CHN2: variants seen among roughly 807,000 people sequenced by gnomAD.
CHN2 encodes the protein chimerin 2.
In CHN2, 35 loss-of-function variants were observed where a neutral mutation model predicts 56.3. The ratio of observed to expected loss-of-function variants is 0.62; its 90% CI spans 0.47 to 0.82. CHN2 has a LOEUF of 0.82. Among genes scored for constraint, CHN2 ranks in the 40% least tolerant of loss-of-function variants. The pLI, the probability that CHN2 is intolerant of heterozygous loss-of-function variation, is 0.00. For missense variants in CHN2, 491 were observed against 580.5 expected, an observed-to-expected ratio of 0.85 and a Z score of 1.58; for synonymous variants, 210 against 212.8, an observed-to-expected ratio of 0.99 and a Z score of 0.12.
At chr7:29,335,104 C>A (rs1054690031) in intron 1 of CHN2, among the ~76,000 whole-genome samples, 4 of 152,114 alleles carry the variant, frequency 2.6e-5, no homozygotes, top group African/African-American at 4.8e-5. Flanking sequence ...GTAAACATTT[C>A]AATAGTGGTC....
At chr7:29,494,455 A>G (rs1789018895) in intron 7 of CHN2, among the ~76,000 whole-genome samples, 1 of 151,900 alleles carries the variant, frequency 6.6e-6, no homozygotes, top group Admixed American at 6.6e-5. Flanking sequence ...TTACTGAGGA[A>G]CTCTTTTAGT....
intron 1 of CHN2, among the ~76,000 whole-genome samples, chr7:29,218,914 TGCATGTTGTGC>T (rs1785555698): frequency 1.3e-5 from 2 of 151,674 alleles, no homozygotes; most frequent in African/African-American, 4.8e-5. Context: ...GTAACAAACC[TGCATGTTGTGC>T]ACATGTACCC....
intron 1 of CHN2, among the ~76,000 whole-genome samples, chr7:29,347,018 G>C (rs1797498404): frequency 6.6e-6 from 1 of 152,056 alleles, no homozygotes; most frequent in African/African-American, 2.4e-5. Context: ...GTTTCCACAG[G>C]TTCACTTCCA....
At position 29,339,853 on chromosome 7, in the gene CHN2, CAAA is replaced by C. The variant is rs558957798; in HGVS notation, c.50-14762_50-14760del. Among the ~76,000 whole-genome samples, 3 of 139,552 alleles carry C rather than the reference CAAA, an allele frequency of 2.1e-5. No homozygotes were observed. The East Asian group carries it at 6.2e-4, about 29-fold the overall frequency. 91.6% of individuals were successfully genotyped at this position (139,552 alleles called of 152,430 possible). On this transcript the variant is annotated intron_variant, in intron 1 of 12. Transcript: ENST00000222792. ...GGGTGACAAGAATGAAACTCCGTCT[CAAA>C]AAAAAAAAATAATAACAATACTGTA...
At chr7:29,324,651 C>T (rs1795663600) in intron 1 of CHN2, among the ~76,000 whole-genome samples, 1 of 150,770 alleles carries the variant, frequency 6.6e-6, no homozygotes, top group Non-Finnish European at 1.5e-5. Context: ...ATCTATCTCT[C>T]AACTGAAAAT....
intron 1 of CHN2, among the ~76,000 whole-genome samples, chr7:29,314,710 A>G (rs945148466): frequency 3.3e-5 from 5 of 152,194 alleles, no homozygotes; most frequent in South Asian, 2.1e-4. Flanking sequence ...ACCATTTAAG[A>G]TGAACTGAGG....
At chr7:29,146,771 T>A in intron 1 of CHN2, 1 of 1,549,198 alleles carries the variant, frequency 6.5e-7, no homozygotes, top group Non-Finnish European at 8.7e-7. Flanking sequence ...TGTTTTATTT[T>A]GATTTTGTCT....
intron 3 of CHN2, among the ~76,000 whole-genome samples, chr7:29,385,655 A>G (rs1800860806): frequency 6.6e-6 from 1 of 152,190 alleles, no homozygotes; most frequent in Non-Finnish European, 1.5e-5. Flanking sequence ...GCAGAGAACA[A>G]TGTGACGAGA....
intron 1 of CHN2, among the ~76,000 whole-genome samples, chr7:29,259,893 G>T (rs1263652725): frequency 1.3e-5 from 2 of 152,196 alleles, no homozygotes; most frequent in Non-Finnish European, 2.9e-5. Context: ...AAGGAAAACA[G>T]TGGAAATATA....
chr7:29,487,616 C>T (rs761762904), intron 7 of CHN2, among the ~76,000 whole-genome samples: 4 of 152,076 alleles, frequency 2.6e-5, no homozygotes, highest in Non-Finnish European at 4.4e-5. Context: ...TGGGAGTATA[C>T]CTGGAGCCAG....
At chr7:29,380,076 G>T (rs573363882) in intron 3 of CHN2, among the ~76,000 whole-genome samples, 1 of 152,292 alleles carries the variant, frequency 6.6e-6, no homozygotes, top group South Asian at 2.1e-4. Flanking sequence ...CTCTGAATCT[G>T]CTGCTATCCC....
intron 3 of CHN2, among the ~76,000 whole-genome samples, chr7:29,383,752 G>A (rs918409435): frequency 1.3e-5 from 2 of 152,168 alleles, no homozygotes; most frequent in African/African-American, 4.8e-5. Context: ...GGGAAGGTCC[G>A]ACTGAGTTGT....
intron 1 of CHN2, among the ~76,000 whole-genome samples, chr7:29,281,594 G>A (rs538693879): frequency 3.9e-5 from 6 of 152,288 alleles, no homozygotes; most frequent in South Asian, 2.1e-4. Context: ...AAGGTCTCCC[G>A]TGGCTATGAG....
chr7:29,513,423 A>G lies in CHN2; in HGVS notation c.*688A>G, dbSNP rs184195502. 3.6e-3 allele frequency: 554 copies of G among 152,656 alleles called. 2 individuals are homozygous for G. Among genetic ancestry groups the G allele is most frequent in the Middle Eastern group, 6.8e-3 (2 of 294 alleles). The allele number at this position is 152,656 out of a possible 1,614,324, so 9.5% of individuals were successfully genotyped here. ...TATTGTATGGTATGTATTTATAGCA[A>G]TTGTAGGATGGTCTGAAATGTCCAC... On this transcript the variant is annotated 3_prime_UTR_variant, in exon 13 of 13. Coordinates refer to ENST00000222792, the MANE Select transcript of CHN2 (RefSeq NM_004067.4).
In CHN2 at chr7:29,512,718, G is replaced by C. The variant is rs753390011; in HGVS notation, c.1390G>C (p.Glu464Gln). The C allele has an allele frequency of 6.2e-7, 1 of 1,613,950 alleles. No homozygotes were observed. Among genetic ancestry groups the C allele is most frequent in the African/African-American group, 1.3e-5 (1 of 74,916 alleles). Residue 464 changes from glutamate to glutamine, a missense_variant, in exon 13 of 13, where the codon GAA (glutamate) becomes CAA (glutamine). Coordinates refer to ENST00000222792, the MANE Select transcript of CHN2 (RefSeq NM_004067.4). ...KLIVQILIENEDVLF is the reference protein window; with the variant it reads ...KLIVQILIENQDVLF ...GATTGTGCAGATTTTAATAGAAAAC[G>C]AAGACGTTTTATTCTAATCCATCAG...
intron 1 of CHN2, among the ~76,000 whole-genome samples, chr7:29,274,324 T>TA (rs1562882872): frequency 1.3e-5 from 2 of 152,210 alleles, no homozygotes; most frequent in South Asian, 2.1e-4. Context: ...GCACAACACA[T>TA]ACGTTTTTCC....
At chr7:29,295,712 C>G (rs2128873151) in intron 1 of CHN2, among the ~76,000 whole-genome samples, 2 of 152,334 alleles carry the variant, frequency 1.3e-5, no homozygotes, top group East Asian at 3.9e-4. Flanking sequence ...TCTGTTGAGC[C>G]TACTTACTTC....
intron 1 of CHN2, among the ~76,000 whole-genome samples, chr7:29,284,174 C>T (rs572132915): frequency 6.6e-6 from 1 of 152,216 alleles, no homozygotes; most frequent in East Asian, 1.9e-4. Context: ...CCCCTCACTA[C>T]AACCTCCACC....
intron 1 of CHN2, among the ~76,000 whole-genome samples, chr7:29,344,410 C>G (rs1311057899): frequency 1.3e-5 from 2 of 152,066 alleles, no homozygotes; most frequent in Non-Finnish European, 2.9e-5. Context: ...ATTATCTGGC[C>G]CCTACTTACT....
Sources: gnomAD v4.1 joint callset for allele counts (sites outside exome capture counted in the v4.1 genomes callset) on GRCh38, gnomAD v4.1.1 for gene constraint, MANE v1.5 for transcripts, NCBI Gene and HGNC (gene_info 2026-07-23, HGNC 2026-07-21) for gene names.